The following PTPRG variants were observed in gnomAD, a reference collection of about 807,000 sequenced individuals.
The protein encoded by PTPRG is receptor-type tyrosine-protein phosphatase gamma.
In PTPRG, 102 loss-of-function variants were observed where a neutral mutation model predicts 165.3. That is an observed-to-expected ratio of 0.62 (90% confidence interval 0.53 to 0.73). The LOEUF is 0.73. PTPRG is among the 30% of genes least tolerant of loss of function. The pLI, the probability that PTPRG is intolerant of heterozygous loss-of-function variation, is 0.00. For synonymous variants in PTPRG, 675 were observed against 669.5 expected (o/e 1.01, Z -0.13); for missense variants, 1,866 against 1,861.4 (o/e 1.00, Z -0.05).
At chr3:61,715,996 A>G (rs1343996053) in intron 1 of PTPRG, among the ~76,000 whole-genome samples, 1 of 152,168 alleles carries the variant, frequency 6.6e-6, no homozygotes, top group African/African-American at 2.4e-5. Context: ...GAGGAGCATA[A>G]TGACATACTG....
At chr3:62,004,877 C>T (rs2041258526) in intron 4 of PTPRG, among the ~76,000 whole-genome samples, 1 of 151,894 alleles carries the variant, frequency 6.6e-6, no homozygotes, top group Non-Finnish European at 1.5e-5. Context: ...TCTTGAGACC[C>T]CCTTCACAAA....
At position 62,273,031 on chromosome 3, in the gene PTPRG, G is replaced by A; in HGVS notation, c.3268G>A (p.Gly1090Arg). Residue 1090 changes from glycine (G) to arginine (R), a missense_variant, in exon 22 of 30, where the codon GGA (glycine) becomes AGA (arginine). Transcript: ENST00000474889. The surrounding 1 kb of genome is among the most constrained non-coding windows in gnomAD (Gnocchi z 4.1). ...AGACAAAAGCACAGTTAACGTCCTG[G>A]GATTCCTGAAGCATATCAGGACACA... ...IKDKSTVNVL[G>R]FLKHIRTQRN... 1 of 1,613,754 alleles carries A rather than the reference G, an allele frequency of 6.2e-7. No homozygotes were observed. Among genetic ancestry groups the A allele is most frequent in the Non-Finnish European group, 8.5e-7 (1 of 1,179,816 alleles).
chr3:62,142,746 A>C (rs950888940), intron 6 of PTPRG, among the ~76,000 whole-genome samples: 1 of 152,198 alleles, frequency 6.6e-6, no homozygotes, highest in African/African-American at 2.4e-5. Context: ...TCTGAGAGCA[A>C]ATATCTCCTT....
intron 5 of PTPRG, 129 bp from the exon 6 acceptor site, chr3:62,132,473 G>A (rs1703552289): frequency 5.4e-6 from 4 of 739,038 alleles, no homozygotes. Flanking sequence ...GAGAGCCATG[G>A]TGTATGTGAG....
At chr3:62,025,342 A>G (rs781173508) in intron 4 of PTPRG, among the ~76,000 whole-genome samples, 1 of 152,248 alleles carries the variant, frequency 6.6e-6, no homozygotes, top group South Asian at 2.1e-4. Context: ...AAACCTTGGC[A>G]AAAGGACTGG....
intron 2 of PTPRG, among the ~76,000 whole-genome samples, chr3:61,774,720 C>T (rs930894033): frequency 2.0e-5 from 3 of 152,148 alleles, no homozygotes; most frequent in Non-Finnish European, 4.4e-5. Flanking sequence ...TGCATGCAGG[C>T]AGCAGGGAGT....
At chr3:62,009,357 A>G (rs1053763936) in intron 4 of PTPRG, among the ~76,000 whole-genome samples, 20 of 152,172 alleles carry the variant, frequency 1.3e-4, no homozygotes, top group African/African-American at 4.3e-4. Context: ...GGCAAAGTTC[A>G]GGATTGTCCA....
intron 8 of PTPRG, among the ~76,000 whole-genome samples, chr3:62,185,333 G>A (rs777025266): frequency 2.0e-5 from 3 of 152,338 alleles, no homozygotes; most frequent in East Asian, 3.9e-4. Flanking sequence ...GGCACCTCCC[G>A]CATGGTTAAA....
intron 2 of PTPRG, among the ~76,000 whole-genome samples, chr3:61,957,489 A>G (rs2040059825): frequency 6.6e-6 from 1 of 152,242 alleles, no homozygotes; most frequent in Non-Finnish European, 1.5e-5. Context: ...ATTGACTTGG[A>G]TGCAGCATTT....
At chr3:62,048,531 T>C (rs1321655753) in intron 4 of PTPRG, among the ~76,000 whole-genome samples, 1 of 152,218 alleles carries the variant, frequency 6.6e-6, no homozygotes, top group East Asian at 1.9e-4. Context: ...AAAATCAGGA[T>C]GTAGGAAAAC....
At chr3:62,111,830 T>C (rs939935518) in intron 5 of PTPRG, among the ~76,000 whole-genome samples, 2 of 152,220 alleles carry the variant, frequency 1.3e-5, no homozygotes, top group African/African-American at 2.4e-5. Flanking sequence ...CACAGAAACA[T>C]TGTTTTCCAT....
At chr3:61,668,533 G>A (rs757774619) in intron 1 of PTPRG, among the ~76,000 whole-genome samples, 2 of 152,138 alleles carry the variant, frequency 1.3e-5, no homozygotes, top group South Asian at 2.1e-4. Context: ...TGTGGGTGGC[G>A]CCTTATAACA....
At chr3:62,041,936 C>G (rs909022201) in intron 4 of PTPRG, among the ~76,000 whole-genome samples, 1 of 152,124 alleles carries the variant, frequency 6.6e-6, no homozygotes, top group Admixed American at 6.6e-5. Context: ...TAACCTTCAT[C>G]GCCTCTTAAT....
chr3:61,769,715 T>A (rs1417779413), intron 2 of PTPRG: 2 of 152,142 alleles, frequency 1.3e-5, no homozygotes, highest in African/African-American at 4.8e-5. Flanking sequence ...ATTTGGAAAT[T>A]AAATTTTAAG....
intron 2 of PTPRG, among the ~76,000 whole-genome samples, chr3:61,786,963 A>C (rs627227): frequency 0.12 from 18,543 of 152,088 alleles, 1,325 homozygotes; most frequent in African/African-American, 0.2. Flanking sequence ...TAGTTTTTCT[A>C]AGCAAAACAC....
chr3:62,012,657 C>T (rs1024580914), intron 4 of PTPRG, among the ~76,000 whole-genome samples: 1 of 152,056 alleles, frequency 6.6e-6, no homozygotes, highest in South Asian at 2.1e-4. Flanking sequence ...TCATTGCAAC[C>T]CGTCACGTGA....
intron 4 of PTPRG, among the ~76,000 whole-genome samples, chr3:62,009,348 G>A (rs1218583656): frequency 6.6e-6 from 1 of 152,080 alleles, no homozygotes; most frequent in Non-Finnish European, 1.5e-5. Flanking sequence ...GCATTCTTAG[G>A]CAAAGTTCAG....
intron 15 of PTPRG, among the ~76,000 whole-genome samples, chr3:62,247,188 A>C (rs1161766562): frequency 6.6e-6 from 1 of 152,170 alleles, no homozygotes; most frequent in Non-Finnish European, 1.5e-5. Flanking sequence ...TGGATGAAGA[A>C]ACTGAGGTTC....
chr3:62,215,848 A>C (rs1700489119), intron 12 of PTPRG, among the ~76,000 whole-genome samples: 1 of 152,176 alleles, frequency 6.6e-6, no homozygotes, highest in Admixed American at 6.5e-5. Context: ...ACTGATCCAC[A>C]CAACCAGATG....
Sources: gnomAD v4.1 joint callset for allele counts (sites outside exome capture counted in the v4.1 genomes callset) on GRCh38, gnomAD v4.1.1 for gene constraint, Gnocchi (gnomAD v3.1) non-coding constraint, MANE v1.5 for transcripts, NCBI Gene and HGNC (gene_info 2026-07-23, HGNC 2026-07-21) for gene names.